Variants in SCN11A observed in about 807,000 individuals in gnomAD.
SCN11A encodes the protein sodium voltage-gated channel alpha subunit 11.
SCN11A carries 122 observed loss-of-function variants against 162.2 expected under a neutral mutation model. The ratio of observed to expected loss-of-function variants is 0.75; its 90% confidence interval spans 0.65 to 0.87. The LOEUF (loss-of-function observed/expected upper bound fraction) is 0.87. Among genes scored for constraint, SCN11A ranks in the 40% least tolerant of loss-of-function variants. The pLI is 0.00. For synonymous variants in SCN11A, 758 were observed against 751.5 expected, an observed-to-expected ratio of 1.01 and a Z score of -0.14; for missense variants, 2,015 against 2,181.6, an observed-to-expected ratio of 0.92 and a Z score of 1.52.
intron 2 of SCN11A, among the ~76,000 whole-genome samples, chr3:38,989,393 GTT>G (rs2030379203): frequency 6.6e-6 from 1 of 152,168 alleles, no homozygotes; most frequent in South Asian, 2.1e-4. Context: ...TACTAAAATG[GTT>G]GTTCAAAGAC....
At chr3:38,905,435 A>T in intron 14 of SCN11A, 114 bp from the exon 15 acceptor site, 1 of 1,199,950 alleles carries the variant, frequency 8.3e-7, no homozygotes, top group South Asian at 1.6e-5. Flanking sequence ...CATTTTCTAT[A>T]GGTCTACTCA....
intron 8 of SCN11A, 109 bp downstream of exon 8, chr3:38,926,694 T>A (rs2066146813): frequency 8.9e-7 from 1 of 1,127,260 alleles, no homozygotes; most frequent in African/African-American, 1.6e-5. Flanking sequence ...CTCTAGGCAT[T>A]ACTAGGCCAT....
intron 1 of SCN11A, among the ~76,000 whole-genome samples, chr3:39,038,990 C>T (rs2125615288): frequency 6.6e-6 from 1 of 152,300 alleles, no homozygotes; most frequent in South Asian, 2.1e-4. Flanking sequence ...GGGATCCAAG[C>T]ATTTGGTAGA....
At chr3:38,976,767 A>G (rs1022897491) in intron 2 of SCN11A, among the ~76,000 whole-genome samples, 1 of 151,974 alleles carries the variant, frequency 6.6e-6, no homozygotes, top group African/African-American at 2.4e-5. Flanking sequence ...TCTCTCTCCC[A>G]CACTTGCACC....
rs764494646 is a variant in SCN11A, at chr3:38,871,401, A to G, written c.3759+44T>C. 3.8e-5 allele frequency: 58 copies of G among 1,516,884 alleles called. No homozygotes were observed. The South Asian group carries it at 7.4e-4, about 19-fold the overall frequency. The allele number at this position is 1,516,884 out of a possible 1,614,324, so 94.0% of individuals were successfully genotyped here. On this transcript the variant is annotated intron_variant, in intron 25 of 29. Coordinates refer to ENST00000302328, the MANE Select transcript of SCN11A (RefSeq NM_001349253.2). ...CTGAGAAACAATTCATGATTCTCTG[A>G]AGGTTTTTCTCCTCAGAGTGAAAAA...
At chr3:38,934,881 A>G (rs1483455501) in intron 7 of SCN11A, among the ~76,000 whole-genome samples, 7 of 151,836 alleles carry the variant, frequency 4.6e-5, no homozygotes, top group Non-Finnish European at 1.0e-4. Context: ...AGCGGACCTA[A>G]TAGACATCTA....
intron 1 of SCN11A, among the ~76,000 whole-genome samples, chr3:39,038,879 T>C (rs1048487446): frequency 1.3e-5 from 2 of 152,206 alleles, no homozygotes; most frequent in Non-Finnish European, 2.9e-5. Flanking sequence ...ACAACTCTCA[T>C]TTCTTCCCCT....
At chr3:38,961,882 C>A in intron 2 of SCN11A, among the ~76,000 whole-genome samples, 1 of 152,126 alleles carries the variant, frequency 6.6e-6, no homozygotes, top group East Asian at 1.9e-4. Context: ...TAGGTCCCAG[C>A]TATTTATCTT....
chr3:38,875,653 A>T (rs1271742195), intron 23 of SCN11A, among the ~76,000 whole-genome samples: 7 of 152,278 alleles, frequency 4.6e-5, no homozygotes, highest in African/African-American at 1.4e-4. Context: ...TACCTAACCA[A>T]GGAAGTGAAA....
At chr3:38,906,169 G>A (rs980064189) in intron 14 of SCN11A, among the ~76,000 whole-genome samples, 2 of 152,094 alleles carry the variant, frequency 1.3e-5, no homozygotes, top group African/African-American at 4.8e-5. Flanking sequence ...CACATTATCA[G>A]GCATACATAT....
chr3:38,937,013 C>A (rs1214845651), intron 7 of SCN11A, among the ~76,000 whole-genome samples: 1 of 151,826 alleles, frequency 6.6e-6, no homozygotes, highest in South Asian at 2.1e-4. Flanking sequence ...GGTACTGGTA[C>A]CAAAACAGAG....
chr3:38,986,193 A>T (rs1054945985), intron 2 of SCN11A, among the ~76,000 whole-genome samples: 1 of 150,914 alleles, frequency 6.6e-6, no homozygotes, highest in African/African-American at 2.5e-5. Flanking sequence ...GGAGCTGAGA[A>T]TCACTAGAGG....
At position 38,907,982 on chromosome 3, in the gene SCN11A, A is replaced by G; in HGVS notation, c.1440T>C (p.Pro480=). The G allele has an allele frequency of 6.2e-7, 1 of 1,609,622 alleles. No individual in the cohort carries two copies. The highest frequency in any genetic ancestry group is 8.5e-7 in the Non-Finnish European group (1 of 1,179,072). ...GGCAATCTTCATCAGAATCTGACCC[A>G]GGAGGCTGGTCTTTCCCAGACTCTC... The part of the protein sequence containing the change: ...FLRESGKDQP[P]GSDSDEDCQK... The change falls in exon 14 of 30, where the codon CCT becomes CCC. Residue 480 remains proline (P), a synonymous_variant. Transcript: ENST00000302328.
intron 7 of SCN11A, among the ~76,000 whole-genome samples, chr3:38,936,983 T>C (rs953542286): frequency 1.3e-5 from 2 of 152,008 alleles, no homozygotes; most frequent in African/African-American, 4.8e-5. Flanking sequence ...ACTACAAGGC[T>C]ACAGTAACCA....
intron 2 of SCN11A, among the ~76,000 whole-genome samples, chr3:38,991,315 G>T (rs1053175656): frequency 6.6e-6 from 1 of 152,186 alleles, no homozygotes; most frequent in Non-Finnish European, 1.5e-5. Context: ...GTACAGGGAA[G>T]ATGAGCCTAT....
intron 19 of SCN11A, among the ~76,000 whole-genome samples, chr3:38,886,857 G>A (rs564981419): frequency 1.1e-4 from 17 of 152,152 alleles, no homozygotes; most frequent in Non-Finnish European, 1.9e-4. Context: ...TAATAAGGAT[G>A]TGTACAGTCA....
chr3:38,910,286 T>A (rs2065869126), intron 11 of SCN11A, 79 bp from the exon 12 acceptor site: 1 of 1,453,428 alleles, frequency 6.9e-7, no homozygotes, highest in African/African-American at 1.4e-5. Context: ...ACTCTGGTTT[T>A]TCCAAGGGCT....
At chr3:38,991,661 G>A (rs1452689786) in intron 2 of SCN11A, among the ~76,000 whole-genome samples, 3 of 152,260 alleles carry the variant, frequency 2.0e-5, no homozygotes, top group South Asian at 2.1e-4. Context: ...ATTTGGAAGC[G>A]GAGTTGATGT....
At chr3:38,851,520 A>G (rs1038790387) in intron 28 of SCN11A, among the ~76,000 whole-genome samples, 20 of 152,220 alleles carry the variant, frequency 1.3e-4, no homozygotes, top group Non-Finnish European at 2.9e-4. Flanking sequence ...CAGTGAAATT[A>G]CTCAATTATT....
Sources: allele counts gnomAD v4.1 joint callset (sites outside exome capture counted in the v4.1 genomes callset), GRCh38; gene constraint gnomAD v4.1.1; transcripts MANE v1.5; gene names NCBI Gene and HGNC (gene_info 2026-07-23, HGNC 2026-07-21).